The following TMEM267 variants were observed in gnomAD, a reference collection of about 807,000 sequenced individuals.
TMEM267 encodes transmembrane protein 267, also known as transmembrane protein C5orf28.
In TMEM267, 20 loss-of-function variants were observed where a neutral mutation model predicts 19.3. That is an observed-to-expected ratio of 1.04 (90% CI 0.73 to 1.51). The LOEUF (loss-of-function observed/expected upper bound fraction) is 1.51, where lower values mean the gene tolerates loss of function less well. TMEM267 is among the 40% of genes most tolerant of loss of function. The probability of loss-of-function intolerance (pLI) is 0.00; values close to 1 mark genes in which losing one functional copy is unlikely to be tolerated. For missense variants in TMEM267, 242 were observed against 261.9 expected (o/e 0.92, Z 0.52); for synonymous variants, 88 against 90.3 (o/e 0.97, Z 0.15).
rs376678851 is a variant in TMEM267, at chr5:43,452,059, C to T, written c.312+1599G>A. The stretch of plus-strand genomic sequence containing the variant: ...CACCACTGCACTCCAGCCTGGGCAT[C>T]ACAGCAAGACCCTATCTCAAAAAAA... On this transcript the variant is annotated intron_variant, in intron 2 of 2. Coordinates refer to ENST00000397080, the MANE Select transcript of TMEM267 (RefSeq NM_022483.5). Among the ~76,000 whole-genome samples, 23 of 117,424 alleles carry T rather than the reference C, an allele frequency of 2.0e-4. No individual in the cohort carries two copies. The East Asian group carries it at 3.1e-3, about 16-fold the overall frequency. The allele number at this position is 117,424 out of a possible 152,430, so 77.0% of individuals were successfully genotyped here. A position where few individuals can be genotyped will look rare whatever the true frequency, so the allele number is the denominator to read the frequency against.
chr5:43,469,304 CA>C (rs1345884080), intron 1 of TMEM267, among the ~76,000 whole-genome samples: 1 of 151,616 alleles, frequency 6.6e-6, no homozygotes, highest in Non-Finnish European at 1.5e-5. Flanking sequence ...CAAAGACACA[CA>C]AAAAAAGAAA....
intron 1 of TMEM267, among the ~76,000 whole-genome samples, chr5:43,458,658 T>C (rs1409517524): frequency 6.6e-6 from 1 of 152,178 alleles, no homozygotes; most frequent in Non-Finnish European, 1.5e-5. Flanking sequence ...TTTAAACATA[T>C]ACAGTTAATT....
At chr5:43,467,165 AAAAG>A (rs1743784146) in intron 1 of TMEM267, among the ~76,000 whole-genome samples, 2 of 151,058 alleles carry the variant, frequency 1.3e-5, no homozygotes, top group African/African-American at 4.8e-5. Flanking sequence ...AAAAAAAAAA[AAAAG>A]AAGGAAGAAA....
intron 2 of TMEM267, among the ~76,000 whole-genome samples, chr5:43,450,283 C>T (rs368059855): frequency 5.9e-5 from 9 of 152,104 alleles, no homozygotes; most frequent in East Asian, 5.8e-4. Flanking sequence ...TGAGCCACTG[C>T]GCCTGGCCTT....
intron 1 of TMEM267, chr5:43,476,368 T>C (rs1316508414): frequency 3.9e-5 from 6 of 152,176 alleles, no homozygotes. Context: ...GTCTAGTAGA[T>C]CTGCAGCAAC....
rs368733774 is a variant in TMEM267, at chr5:43,469,887, G to A, written c.-75+13935C>T. Among the ~76,000 whole-genome samples, 3 of 152,252 alleles carry A rather than the reference G, an allele frequency of 2.0e-5. No homozygotes were observed. The East Asian group carries it at 5.8e-4, about 29-fold the overall frequency. ...CCAATTTCACCCTGGCGATGTAAAC[G>A]GATGGCTTATCTTCACAGGTGCAGG... On this transcript the variant is annotated intron_variant, in intron 1 of 2. Transcript: ENST00000397080.
intron 1 of TMEM267, among the ~76,000 whole-genome samples, chr5:43,463,028 C>T (rs1052061133): frequency 1.4e-4 from 22 of 151,896 alleles, no homozygotes; most frequent in South Asian, 8.3e-4. Flanking sequence ...CCAACAAAAT[C>T]GATAGACCGC....
chr5:43,469,200 G>T (rs1182159372), intron 1 of TMEM267, among the ~76,000 whole-genome samples: 2 of 151,410 alleles, frequency 1.3e-5, no homozygotes, highest in African/African-American at 2.4e-5. Context: ...TAGAAGAAAA[G>T]AAATAATAAA....
At position 43,476,508 on chromosome 5, in the gene TMEM267, C is replaced by CTTTTTTTTTTTT. The variant is rs67848213; in HGVS notation, c.-75+7302_-75+7313dup. On this transcript the variant is annotated intron_variant, in intron 1 of 2. Transcript: ENST00000397080. ...ATCCTAACTGATACAAAAGCCAGACCTTTTTTTTTTTTTTTTTTTTTTTTT... is the reference window on the plus strand; with the variant it reads ...ATCCTAACTGATACAAAAGCCAGACCTTTTTTTTTTTTTTTTTTTTTTTTTTTTTTTTTTTTT... Among the ~76,000 whole-genome samples the CTTTTTTTTTTTT allele has an allele frequency of 2.9e-4, 16 of 54,822 alleles. 1 individual carries two copies. Among genetic ancestry groups the CTTTTTTTTTTTT allele is most frequent in the South Asian group, 7.7e-4 (1 of 1,298 alleles). 36.0% of individuals were successfully genotyped at this position (54,822 alleles called of 152,430 possible). A position where few individuals can be genotyped will look rare whatever the true frequency, so the allele number is the denominator to read the frequency against.
intron 1 of TMEM267, among the ~76,000 whole-genome samples, chr5:43,480,888 T>C (rs558539172): frequency 3.5e-5 from 5 of 144,140 alleles, no homozygotes; most frequent in Admixed American, 2.2e-4. Flanking sequence ...CTGCAAGCTC[T>C]GCCTCCCGGG....
chr5:43,450,418 T>C (rs1169971108), intron 2 of TMEM267, among the ~76,000 whole-genome samples: 1 of 152,262 alleles, frequency 6.6e-6, no homozygotes, highest in Non-Finnish European at 1.5e-5. Context: ...TTACTGATAA[T>C]CACATACCAC....
At chr5:43,452,008 G>T (rs7732140) in intron 2 of TMEM267, among the ~76,000 whole-genome samples, 2 of 147,958 alleles carry the variant, frequency 1.4e-5, no homozygotes, top group Non-Finnish European at 3.0e-5. Flanking sequence ...AGCCCAAGAG[G>T]TTGATGCTGC....
rs1159546512 is a variant in TMEM267, at chr5:43,454,020, ATTC to A, written c.-54_-52del. On this transcript the variant is annotated 5_prime_UTR_variant, in exon 2 of 3. Coordinates refer to ENST00000397080, the MANE Select transcript of TMEM267 (RefSeq NM_022483.5). ...AAAAGCCATCAGGAATGAACAGTCT[ATTC>A]TTGTTTACATTTCCAGCACCCTAAA... is the stretch of plus-strand genomic sequence containing the variant. 1 of 1,561,228 alleles carries A rather than the reference ATTC, an allele frequency of 6.4e-7. No homozygotes were observed. The highest frequency in any genetic ancestry group is 2.0e-5 in the Admixed American group (1 of 51,256).
rs1259592440 is a variant in TMEM267 at position 43,473,465 on chromosome 5, GACAA to G, written c.-75+10353_-75+10356del. Among the ~76,000 whole-genome samples the G allele has an allele frequency of 4.6e-5, 7 of 152,156 alleles. No individual in the cohort carries two copies. The South Asian group carries it at 1.0e-3, about 23-fold the overall frequency. On this transcript the variant is annotated intron_variant, in intron 1 of 2. Coordinates refer to ENST00000397080, the MANE Select transcript of TMEM267 (RefSeq NM_022483.5). ...CAAGCATTCCTATACACCAATAACAGACAAACAGAGAGCCAAATCATGAGTGAAC... is the reference window on the plus strand; with the variant it reads ...CAAGCATTCCTATACACCAATAACAGACAGAGAGCCAAATCATGAGTGAAC...
intron 2 of TMEM267, among the ~76,000 whole-genome samples, chr5:43,450,122 TTAGGTGGAACTA>T (rs1742491618): frequency 6.6e-6 from 1 of 151,852 alleles, no homozygotes; most frequent in African/African-American, 2.4e-5. Flanking sequence ...AGCCTCCTGA[TTAGGTGGAACTA>T]TAGGCATACA....
At position 43,474,853 on chromosome 5, in the gene TMEM267, C is replaced by T. The variant is rs551940050; in HGVS notation, c.-75+8969G>A. ...CCACATCTCACGCCAGTTAGAATGG[C>T]GATCATTAAAAAGTCAGGAAACAAC... is the stretch of plus-strand genomic sequence containing the variant. On this transcript the variant is annotated intron_variant, in intron 1 of 2. Coordinates refer to ENST00000397080, the MANE Select transcript of TMEM267 (RefSeq NM_022483.5). Among the ~76,000 whole-genome samples the T allele has an allele frequency of 3.6e-4, 55 of 151,654 alleles. No homozygotes were observed. In the South Asian group the frequency reaches 5.0e-3, roughly 14 times the overall value.
chr5:43,450,267 C>T (rs2112021874), intron 2 of TMEM267, among the ~76,000 whole-genome samples: 1 of 152,188 alleles, frequency 6.6e-6, no homozygotes, highest in Admixed American at 6.5e-5. Flanking sequence ...GTTGGGGTTA[C>T]AGGCATGAGC....
At chr5:43,455,593 GC>G (rs1742898726) in intron 1 of TMEM267, among the ~76,000 whole-genome samples, 1 of 152,108 alleles carries the variant, frequency 6.6e-6, no homozygotes, top group Admixed American at 6.5e-5. Context: ...TGTCACCCAG[GC>G]TGGAGTGCAG....
intron 1 of TMEM267, among the ~76,000 whole-genome samples, chr5:43,476,826 T>G (rs1744456006): frequency 6.6e-6 from 1 of 151,686 alleles, no homozygotes; most frequent in African/African-American, 2.4e-5. Context: ...GACCCAGATC[T>G]CGTTATCAGC....
Sources: allele counts gnomAD v4.1 joint callset (sites outside exome capture counted in the v4.1 genomes callset), GRCh38; gene constraint gnomAD v4.1.1; transcripts MANE v1.5; gene names NCBI Gene and HGNC (gene_info 2026-07-23, HGNC 2026-07-21).